The following SCP2 variants were observed in gnomAD, a reference collection of about 807,000 sequenced individuals.
SCP2 encodes SCP-2/3-oxoacyl-CoA thiolase.
A neutral mutation model predicts 71.4 loss-of-function variants in SCP2; 48 were observed. The ratio of observed to expected loss-of-function variants is 0.67; its 90% CI spans 0.53 to 0.86. The LOEUF is 0.86. Ranked by LOEUF, SCP2 falls within the 40% of genes least tolerant of loss-of-function variation. The probability of loss-of-function intolerance (pLI) is 0.00; values close to 1 mark genes in which losing one functional copy is unlikely to be tolerated. For missense variants in SCP2, 560 were observed against 655.6 expected, an observed-to-expected ratio of 0.85 and a Z score of 1.59; for synonymous variants, 220 against 218.1, an observed-to-expected ratio of 1.01 and a Z score of -0.08.
At chr1:52,946,117 C>T (rs1654766371) in intron 2 of SCP2, among the ~76,000 whole-genome samples, 1 of 151,534 alleles carries the variant, frequency 6.6e-6, no homozygotes, top group African/African-American at 2.4e-5. Context: ...TTGGTAGAGA[C>T]AGGGTTTTGC....
intron 10 of SCP2, among the ~76,000 whole-genome samples, chr1:52,984,528 A>T (rs189164730): frequency 1.9e-4 from 29 of 151,612 alleles, no homozygotes; most frequent in Non-Finnish European, 3.4e-4. Flanking sequence ...ATATAAAATG[A>T]TTACTTTCTT....
chr1:53,036,080 A>T (rs937705009), intron 13 of SCP2, among the ~76,000 whole-genome samples: 1 of 150,916 alleles, frequency 6.6e-6, no homozygotes, highest in African/African-American at 2.4e-5. Flanking sequence ...TAACTTGTTG[A>T]TAACAATCAA....
rs370318806 is a variant in SCP2, at chr1:52,944,062, C to G, written c.127+2209C>G. 6 of 180,220 alleles carry G rather than the reference C, an allele frequency of 3.3e-5. No individual in the cohort carries two copies. In the East Asian group the frequency reaches 1.1e-3, roughly 32 times the overall value. The allele number at this position is 180,220 out of a possible 1,614,324, so 11.2% of individuals were successfully genotyped here. On this transcript the variant is annotated intron_variant, in intron 2 of 15. Coordinates refer to ENST00000371514, the MANE Select transcript of SCP2 (RefSeq NM_002979.5). ...ATGTTTTGGTTTGGGGGCAAGTACT[C>G]TAAGCTTAGGTGCCGGTTGTTTAGG...
intron 14 of SCP2, among the ~76,000 whole-genome samples, chr1:53,042,503 C>T (rs1401258390): frequency 6.6e-6 from 1 of 152,106 alleles, no homozygotes; most frequent in African/African-American, 2.4e-5. Context: ...AGGTGCTGTA[C>T]CCCAGACCCC....
At chr1:53,036,451 A>C (rs930007500) in intron 13 of SCP2, among the ~76,000 whole-genome samples, 4 of 149,936 alleles carry the variant, frequency 2.7e-5, no homozygotes, top group Non-Finnish European at 4.4e-5. Context: ...AGAACACCAA[A>C]TCTAGGAATC....
intron 6 of SCP2, among the ~76,000 whole-genome samples, chr1:52,965,915 G>A (rs914383000): frequency 1.4e-4 from 21 of 151,862 alleles, no homozygotes; most frequent in Non-Finnish European, 2.9e-4. Context: ...CGAAGTGCTG[G>A]GATTACAGGT....
At chr1:52,979,888 TTCCCTCCC>T (rs946141284) in intron 9 of SCP2, among the ~76,000 whole-genome samples, 1 of 151,898 alleles carries the variant, frequency 6.6e-6, no homozygotes, top group East Asian at 1.9e-4. Flanking sequence ...CTGACCCTCC[TTCCCTCCC>T]TCCCTCCCTT....
At chr1:52,974,620 G>A in intron 6 of SCP2, 149 bp from the exon 7 acceptor site, 1 of 652,672 alleles carries the variant, frequency 1.5e-6, no homozygotes, top group Non-Finnish European at 2.8e-6. Context: ...AATTTTTTGA[G>A]GGAACAGTGC....
chr1:53,040,495 T>A (rs1663337064), intron 14 of SCP2, among the ~76,000 whole-genome samples: 1 of 152,168 alleles, frequency 6.6e-6, no homozygotes, highest in African/African-American at 2.4e-5. Flanking sequence ...ACCTTCTCAG[T>A]GAGCCACTCC....
intron 14 of SCP2, 100 bp downstream of exon 14, chr1:53,039,146 G>A (rs1663238606): frequency 7.1e-7 from 1 of 1,410,056 alleles, no homozygotes; most frequent in African/African-American, 1.4e-5. Context: ...AAAAAGGACT[G>A]GCTTTTAATG....
At chr1:52,973,409 C>A (rs572469861) in intron 6 of SCP2, among the ~76,000 whole-genome samples, 1 of 151,716 alleles carries the variant, frequency 6.6e-6, no homozygotes, top group South Asian at 2.1e-4. Context: ...TCCCACACTA[C>A]GATATTTCCT....
intron 1 of SCP2, among the ~76,000 whole-genome samples, chr1:52,930,253 T>A (rs1433892003): frequency 6.6e-6 from 1 of 151,924 alleles, no homozygotes; most frequent in Non-Finnish European, 1.5e-5. Flanking sequence ...TTGTAACAAC[T>A]GAAACAATTT....
intron 5 of SCP2, among the ~76,000 whole-genome samples, chr1:52,960,631 T>C (rs1162271883): frequency 2.1e-5 from 3 of 145,366 alleles, no homozygotes; most frequent in Admixed American, 2.0e-4. Context: ...TGTATGTATA[T>C]ATGTGTATAT....
chr1:52,989,173 A>G (rs776433094), intron 11 of SCP2, among the ~76,000 whole-genome samples: 1 of 152,222 alleles, frequency 6.6e-6, no homozygotes, highest in Non-Finnish European at 1.5e-5. Flanking sequence ...TTGTTGCTTT[A>G]AACAATCTAA....
chr1:52,953,993 C>CA (rs1373841605), intron 4 of SCP2, among the ~76,000 whole-genome samples: 10 of 142,822 alleles, frequency 7.0e-5, no homozygotes, highest in East Asian at 2.0e-4. Context: ...AAAAAAAAAA[C>CA]AAAAAAAACA....
chr1:53,030,939 A>G (rs1662503309), intron 13 of SCP2, among the ~76,000 whole-genome samples: 3 of 151,264 alleles, frequency 2.0e-5, no homozygotes, highest in Non-Finnish European at 2.9e-5. Flanking sequence ...AGGCTTTGCC[A>G]ACCTAGTAGG....
chr1:53,016,087 C>G (rs11206070), intron 12 of SCP2, among the ~76,000 whole-genome samples: 48,138 of 152,026 alleles, frequency 0.32, 12,731 homozygotes, highest in African/African-American at 0.72. Flanking sequence ...TGTGCACAAC[C>G]TGCAGGTTTG....
At chr1:53,048,188 G>T in intron 15 of SCP2, 1 of 432,300 alleles carries the variant, frequency 2.3e-6, no homozygotes, top group Non-Finnish European at 4.4e-6. Flanking sequence ...AGTGCAGCCA[G>T]AGATCCAAGG....
chr1:52,993,708 A>G (rs987098006), intron 11 of SCP2: 1 of 1,611,494 alleles, frequency 6.2e-7, no homozygotes, highest in Admixed American at 1.7e-5. Context: ...TAGGACTCCC[A>G]ACTTAGGAAA....
Sources: allele counts gnomAD v4.1 joint callset (sites outside exome capture counted in the v4.1 genomes callset), GRCh38; gene constraint gnomAD v4.1.1; transcripts MANE v1.5; gene names NCBI Gene and HGNC (gene_info 2026-07-23, HGNC 2026-07-21).